Variants in ELP2 observed in about 807,000 individuals in gnomAD.
ELP2 encodes elongator complex protein 2.
Under a neutral mutation model 119.2 loss-of-function variants are expected in ELP2, and 90 were observed. The observed-to-expected ratio is 0.75, with a 90% CI of 0.64 to 0.90. ELP2 has a LOEUF of 0.90. ELP2 is among the 40% of genes least tolerant of loss of function. The probability of loss-of-function intolerance (pLI) is 0.00; values close to 1 mark genes in which losing one functional copy is unlikely to be tolerated. For synonymous variants in ELP2, 339 were observed against 331.0 expected, an observed-to-expected ratio of 1.02 and a Z score of -0.26; for missense variants, 921 against 967.8, an observed-to-expected ratio of 0.95 and a Z score of 0.64.
intron 1 of ELP2, 104 bp from the exon 2 acceptor site, chr18:36,133,134 G>A: frequency 1.3e-6 from 1 of 799,202 alleles, no homozygotes; most frequent in East Asian, 2.7e-5. Flanking sequence ...ATGTAAACCT[G>A]ATCTTTTTAC....
At chr18:36,147,051 C>G (rs547117081) in intron 11 of ELP2, among the ~76,000 whole-genome samples, 46 of 148,222 alleles carry the variant, frequency 3.1e-4, no homozygotes, top group Non-Finnish European at 2.1e-4. Flanking sequence ...TAATCCCTGT[C>G]TCAGGTTCCT....
intron 14 of ELP2, 67 bp downstream of exon 14, chr18:36,158,971 T>A: frequency 9.3e-7 from 1 of 1,078,236 alleles, no homozygotes; most frequent in Non-Finnish European, 1.4e-6. Flanking sequence ...TACACTTGTG[T>A]AATGTCTACC....
chr18:36,131,709 G>A (rs1469939557), intron 1 of ELP2, among the ~76,000 whole-genome samples: 1 of 152,230 alleles, frequency 6.6e-6, no homozygotes, highest in Non-Finnish European at 1.5e-5. Flanking sequence ...CTGCTTTTAA[G>A]ATGATTATAC....
intron 19 of ELP2, among the ~76,000 whole-genome samples, chr18:36,169,453 C>G (rs765768245): frequency 1.3e-5 from 2 of 150,258 alleles, no homozygotes; most frequent in Non-Finnish European, 2.9e-5. Flanking sequence ...GTGGCACGAT[C>G]TCGGCTCACT....
chr18:36,158,688 A>ATC, intron 13 of ELP2, 147 bp from the exon 14 acceptor site: 1 of 612,076 alleles, frequency 1.6e-6, no homozygotes, highest in Non-Finnish European at 2.9e-6. Context: ...ACGGGTAGAC[A>ATC]TCCACACAAG....
In ELP2 at chr18:36,178,395, CATT is replaced by C. The variant is rs1004330513; in HGVS notation, c.*3756_*3758del. On this transcript the variant is annotated 3_prime_UTR_variant, in exon 22 of 22. Transcript: ENST00000358232. ...AGGGACCTAGATTCTTCAACAAATACATTACAAGAGGAAAAGGGAAGGGAAGGG... is the reference window on the plus strand; with the variant it reads ...AGGGACCTAGATTCTTCAACAAATACACAAGAGGAAAAGGGAAGGGAAGGG... The C allele has an allele frequency of 1.7e-4, 26 of 152,184 alleles. No homozygotes were observed. The highest frequency in any genetic ancestry group is 5.8e-4 in the African/African-American group (24 of 41,438). 9.4% of individuals were successfully genotyped at this position (152,184 alleles called of 1,614,324 possible). A position where few individuals can be genotyped will look rare whatever the true frequency, so the allele number is the denominator to read the frequency against.
At chr18:36,147,107 T>A (rs999481308) in intron 11 of ELP2, among the ~76,000 whole-genome samples, 2 of 150,914 alleles carry the variant, frequency 1.3e-5, no homozygotes, top group African/African-American at 4.9e-5. Context: ...TTTTTTCTTT[T>A]AACAGGATCT....
At chr18:36,139,580 A>G in intron 5 of ELP2, 1 of 1,535,044 alleles carries the variant, frequency 6.5e-7, no homozygotes, top group Non-Finnish European at 8.7e-7. Context: ...GCATCATAAC[A>G]GAATTTCATT....
intron 13 of ELP2, among the ~76,000 whole-genome samples, chr18:36,156,989 ATGG>A (rs1002482214): frequency 6.6e-6 from 1 of 152,184 alleles, no homozygotes; most frequent in African/African-American, 2.4e-5. Context: ...ATCTAGCTGT[ATGG>A]TAGGGGTAGA....
At chr18:36,133,435 G>A (rs2089707344) in intron 2 of ELP2, 119 bp downstream of exon 2, 2 of 743,376 alleles carry the variant, frequency 2.7e-6, no homozygotes, top group African/African-American at 3.5e-5. Context: ...TTATGCAATT[G>A]GAGAAACAAG....
Position 36,142,889 on chromosome 18 carries a change from TA to T in ELP2, c.722del (p.Lys241SerfsTer5). The stretch of plus-strand genomic sequence containing the variant: ...CTGATAAGAATATGGAAGCTGTATA[TA>T]AAGTCAACATCTTTAGAAACTCAGG... ...DCLIRIWKLYIKSTSLETQDD... is the reference protein window; with the variant it reads ...DCLIRIWKLYXKSTSLETQDD... On this transcript the variant is annotated frameshift_variant, in exon 8 of 22. Coordinates refer to ENST00000358232, the MANE Select transcript of ELP2 (RefSeq NM_018255.4). LOFTEE classifies it high-confidence loss of function. 6.2e-7 allele frequency: 1 copy of T among 1,604,158 alleles called. No individual in the cohort carries two copies. The highest frequency in any genetic ancestry group is 8.5e-7 in the Non-Finnish European group (1 of 1,171,840).
intron 18 of ELP2, 103 bp downstream of exon 18, chr18:36,164,770 A>G: frequency 1.8e-6 from 2 of 1,134,958 alleles, no homozygotes; most frequent in Non-Finnish European, 1.3e-6. Flanking sequence ...AGTGAAGGGT[A>G]GAGCCTCATG....
chr18:36,152,209 AC>A (rs1302872343), intron 11 of ELP2, among the ~76,000 whole-genome samples: 4 of 144,810 alleles, frequency 2.8e-5, no homozygotes, highest in East Asian at 2.0e-4. Context: ...AAAAAAAAAA[AC>A]AACAAAGATC....
chr18:36,138,882 C>T lies in ELP2; in HGVS notation c.523+10C>T, dbSNP rs1280242952. 1.2e-6 allele frequency: 2 copies of T among 1,605,818 alleles called. No individual in the cohort carries two copies. Among genetic ancestry groups the T allele is most frequent in the Admixed American group, 1.7e-5 (1 of 60,004 alleles). On this transcript the variant is annotated intron_variant, in intron 5 of 21. Coordinates refer to ENST00000358232, the MANE Select transcript of ELP2 (RefSeq NM_018255.4). ...TTGCCAAATACTGATGGTGAGTATC[C>T]TGTTAAGTATATGTTAAAAGGGCAG...
In ELP2 at chr18:36,171,803, G is replaced by A. The variant is rs889100667; in HGVS notation, c.2324+643G>A. On this transcript the variant is annotated intron_variant, in intron 21 of 21. Transcript: ENST00000358232. ...AAGATCCCAGCTCACTGCAACCTCC[G>A]CCTCCCAGGCTCAATCAGTCTTCCT... is the stretch of plus-strand genomic sequence containing the variant. Among the ~76,000 whole-genome samples the A allele has an allele frequency of 3.3e-5, 5 of 152,150 alleles. No individual in the cohort carries two copies. In the East Asian group the frequency reaches 5.8e-4, roughly 18 times the overall value.
chr18:36,143,887 T>G (rs566580740), intron 8 of ELP2, among the ~76,000 whole-genome samples: 65 of 152,366 alleles, frequency 4.3e-4, no homozygotes, highest in African/African-American at 1.5e-3. Context: ...AGGAATAATG[T>G]GAATTACTTA....
chr18:36,151,855 C>G (rs1466698041), intron 11 of ELP2, among the ~76,000 whole-genome samples: 1 of 145,940 alleles, frequency 6.9e-6, no homozygotes, highest in African/African-American at 2.6e-5. Context: ...TCAATTGATT[C>G]TCCTGTCTCA....
chr18:36,133,203 A>G (rs1437862670), intron 1 of ELP2, 35 bp from the exon 2 acceptor site: 1 of 1,404,608 alleles, frequency 7.1e-7, no homozygotes, highest in Non-Finnish European at 1.0e-6. Context: ...TGTAGGATAA[A>G]TTCCAGTTTA....
At chr18:36,162,209 A>G (rs1002229782) in intron 17 of ELP2, among the ~76,000 whole-genome samples, 1 of 151,526 alleles carries the variant, frequency 6.6e-6, no homozygotes, top group Non-Finnish European at 1.5e-5. Flanking sequence ...CCTCTTTTCT[A>G]CCTCTCCCTT....
Sources: allele counts gnomAD v4.1 joint callset (sites outside exome capture counted in the v4.1 genomes callset), GRCh38; gene constraint gnomAD v4.1.1; transcripts MANE v1.5; gene names NCBI Gene and HGNC (gene_info 2026-07-23, HGNC 2026-07-21).